The following INPP5F variants were observed in gnomAD, a reference collection of about 807,000 sequenced individuals.
INPP5F encodes phosphatidylinositide 4-phosphatase SAC2.
A neutral mutation model predicts 137.2 loss-of-function variants in INPP5F; 97 were observed. The ratio of observed to expected loss-of-function variants is 0.71; its 90% CI spans 0.60 to 0.84. The LOEUF (loss-of-function observed/expected upper bound fraction) is 0.84, where lower values mean the gene tolerates loss of function less well. INPP5F is among the 40% of genes least tolerant of loss of function. INPP5F has a pLI of 0.00. For missense variants in INPP5F, 1,271 were observed against 1,371.9 expected (o/e 0.93, Z 1.16); for synonymous variants, 504 against 476.9 (o/e 1.06, Z -0.74).
chr10:119,730,611 TTGTC>T, intron 1 of INPP5F, among the ~76,000 whole-genome samples: 1 of 152,218 alleles, frequency 6.6e-6, no homozygotes, highest in East Asian at 1.9e-4. Context: ...CCTTGTGGCT[TTGTC>T]TGATATGACA....
At chr10:119,808,952 A>G (rs1850913645) in intron 13 of INPP5F, among the ~76,000 whole-genome samples, 1 of 152,246 alleles carries the variant, frequency 6.6e-6, no homozygotes, top group Non-Finnish European at 1.5e-5. Context: ...GACCAGGTAC[A>G]GTGGCTCAAC....
Position 119,797,535 on chromosome 10 carries a change from C to A in INPP5F, c.943C>A (p.His315Asn). The part of the protein sequence containing the change: ...ANYVETEQLI[H>N]VHNHTLSFVQ... ...TTATGTGGAGACTGAGCAGTTGATTCATGTTCATAATCATACCCTGTCATT... is the reference window on the plus strand; with the variant it reads ...TTATGTGGAGACTGAGCAGTTGATTAATGTTCATAATCATACCCTGTCATT... The change falls in exon 8 of 20, where the codon CAT becomes AAT. Residue 315 changes from histidine to asparagine, a missense_variant. His to Asn is a moderately conservative substitution (Grantham distance 68). Coordinates refer to ENST00000650623, the MANE Select transcript of INPP5F (RefSeq NM_014937.4). The A allele has an allele frequency of 6.2e-7, 1 of 1,612,524 alleles. No individual in the cohort carries two copies. The highest frequency in any genetic ancestry group is 1.1e-5 in the South Asian group (1 of 90,750).
At chr10:119,801,174 T>G (rs2134233633) in intron 9 of INPP5F, among the ~76,000 whole-genome samples, 1 of 152,286 alleles carries the variant, frequency 6.6e-6, no homozygotes, top group Admixed American at 6.5e-5. Context: ...TGAATATAAA[T>G]GATGGAAAAG....
chr10:119,770,669 G>GT (rs1849308138), intron 2 of INPP5F, among the ~76,000 whole-genome samples: 1 of 152,082 alleles, frequency 6.6e-6, no homozygotes, highest in African/African-American at 2.4e-5. Context: ...ATTTTCTAGA[G>GT]TGAGTGTTTT....
In INPP5F at chr10:119,791,617, C is replaced by A. The variant is rs767478822; in HGVS notation, c.416C>A (p.Ser139Tyr). 3 of 1,603,858 alleles carry A rather than the reference C, an allele frequency of 1.9e-6. 1 individual carries two copies. In the Admixed American group the frequency reaches 5.0e-5, roughly 27 times the overall value. The change falls in exon 4 of 20, where the codon TCC becomes TAC. Residue 139 changes from serine to tyrosine, a missense_variant. By Grantham distance (144) the Ser-to-Tyr change is moderately radical. Transcript: ENST00000650623. ...FLLKTFTHIK[S>Y]NVSAPNKKKV... ...CTGAAGACCTTTACGCATATTAAAT[C>A]CAATGTGTCTGCTCCTAATAAAAAG... is the stretch of plus-strand genomic sequence containing the variant.
intron 15 of INPP5F, among the ~76,000 whole-genome samples, chr10:119,813,950 A>C (rs1445138738): frequency 1.3e-5 from 2 of 152,172 alleles, no homozygotes; most frequent in Non-Finnish European, 2.9e-5. Flanking sequence ...ACATGATGAA[A>C]TGCTTCTCTT....
chr10:119,821,362 A>C (rs1023428563), intron 16 of INPP5F, among the ~76,000 whole-genome samples: 1 of 141,786 alleles, frequency 7.1e-6, no homozygotes. Context: ...GTGTGTGTGC[A>C]TGTGCCTGCG....
At chr10:119,819,252 A>AGGG (rs1669331515) in intron 15 of INPP5F, 33 of 44,166 alleles carry the variant, frequency 7.5e-4, no homozygotes, top group African/African-American at 1.9e-3. Flanking sequence ...TTAAAGGGGA[A>AGGG]GGGTGGGTGG....
At chr10:119,727,750 T>C (rs1392191586) in intron 1 of INPP5F, among the ~76,000 whole-genome samples, 2 of 152,210 alleles carry the variant, frequency 1.3e-5, no homozygotes, top group Non-Finnish European at 2.9e-5. Context: ...GATCTCGGGA[T>C]AGAGTTATTA....
intron 6 of INPP5F, chr10:119,793,550 ACT>A (rs1384390867): frequency 2.0e-5 from 3 of 152,104 alleles, no homozygotes; most frequent in Admixed American, 1.3e-4. Context: ...ACAAAGAAGA[ACT>A]CTCTGGAGCA....
rs776386484 is a variant in INPP5F at position 119,827,555 on chromosome 10, T to G, written c.3174T>G (p.Ser1058=). The G allele has an allele frequency of 6.2e-7, 1 of 1,614,158 alleles. No individual in the cohort carries two copies. Among genetic ancestry groups the G allele is most frequent in the Non-Finnish European group, 8.5e-7 (1 of 1,180,000 alleles). Residue 1058 remains serine (S), a synonymous_variant, in exon 20 of 20, where the codon TCT becomes TCG. Coordinates refer to ENST00000650623, the MANE Select transcript of INPP5F (RefSeq NM_014937.4). ...ELETGLHVTP[S]PSESSSSRAV... is the part of the protein sequence containing the mutation. ...AGACAGGGCTTCATGTAACTCCTTC[T>G]CCTTCAGAGAGCAGTAGCAGCAGAG...
chr10:119,803,515 A>G (rs1850665239), intron 9 of INPP5F, among the ~76,000 whole-genome samples: 1 of 152,230 alleles, frequency 6.6e-6, no homozygotes, highest in South Asian at 2.1e-4. Context: ...CGCTAGTATG[A>G]CAGTTTTAAT....
intron 2 of INPP5F, among the ~76,000 whole-genome samples, chr10:119,767,724 G>A (rs1849218583): frequency 6.6e-6 from 1 of 152,182 alleles, no homozygotes. Context: ...TAGAAACTGT[G>A]TGAATATTAG....
At chr10:119,818,945 G>A (rs1274130254) in intron 15 of INPP5F, 1 of 152,320 alleles carries the variant, frequency 6.6e-6, no homozygotes, top group Non-Finnish European at 1.5e-5. Context: ...TATGGTTAAA[G>A]TTCCTGTGGG....
chr10:119,803,741 G>GT (rs1399781634), intron 9 of INPP5F, among the ~76,000 whole-genome samples: 1 of 152,132 alleles, frequency 6.6e-6, no homozygotes, highest in Non-Finnish European at 1.5e-5. Flanking sequence ...TTGCTGCCTA[G>GT]TAACATGGTA....
At chr10:119,822,053 G>C (rs1851590047) in intron 16 of INPP5F, among the ~76,000 whole-genome samples, 2 of 151,806 alleles carry the variant, frequency 1.3e-5, no homozygotes, top group Admixed American at 6.6e-5. Flanking sequence ...ACGACGCCCA[G>C]CTAATTTTGT....
At chr10:119,737,552 C>G (rs1408717894) in intron 1 of INPP5F, among the ~76,000 whole-genome samples, 1 of 152,178 alleles carries the variant, frequency 6.6e-6, no homozygotes, top group Non-Finnish European at 1.5e-5. Flanking sequence ...ACTGATAACC[C>G]TGAATTAGAT....
intron 2 of INPP5F, among the ~76,000 whole-genome samples, chr10:119,779,708 G>A (rs1366760068): frequency 1.3e-5 from 2 of 152,050 alleles, no homozygotes; most frequent in African/African-American, 4.8e-5. Context: ...GCATGAATGA[G>A]CCTCCATGCC....
intron 14 of INPP5F, among the ~76,000 whole-genome samples, chr10:119,811,365 C>T (rs761038494): frequency 2.2e-4 from 33 of 152,176 alleles, no homozygotes; most frequent in Admixed American, 6.5e-4. Flanking sequence ...ATTAAGGCTG[C>T]GCCGCATGCC....
Sources: gnomAD v4.1 joint callset for allele counts (sites outside exome capture counted in the v4.1 genomes callset) on GRCh38, gnomAD v4.1.1 for gene constraint, MANE v1.5 for transcripts, NCBI Gene and HGNC (gene_info 2026-07-23, HGNC 2026-07-21) for gene names.